Variants in IBTK observed in about 807,000 individuals in gnomAD.
The protein encoded by IBTK is BTK-binding protein.
In IBTK, 83 loss-of-function variants were observed where a neutral mutation model predicts 154.9. The ratio of observed to expected loss-of-function variants is 0.54; its 90% confidence interval spans 0.45 to 0.64. The LOEUF is 0.64. Among genes scored for constraint, IBTK ranks in the 30% least tolerant of loss-of-function variants. IBTK has a pLI of 0.00. For synonymous variants in IBTK, 515 were observed against 536.1 expected (o/e 0.96, Z 0.54); for missense variants, 1,332 against 1,584.6 (o/e 0.84, Z 2.71).
intron 8 of IBTK, among the ~76,000 whole-genome samples, chr6:82,222,285 C>G (rs2127819758): frequency 6.6e-6 from 1 of 152,018 alleles, no homozygotes; most frequent in African/African-American, 2.4e-5. Context: ...TTATCAAAAG[C>G]ATTTTGTTGC....
At chr6:82,228,850 T>C (rs918511043) in intron 4 of IBTK, among the ~76,000 whole-genome samples, 4 of 152,072 alleles carry the variant, frequency 2.6e-5, no homozygotes, top group Admixed American at 2.6e-4. Flanking sequence ...CTCGATCTCC[T>C]GACCTCGTGA....
chr6:82,238,217 C>A (rs1468902265), intron 2 of IBTK, among the ~76,000 whole-genome samples: 3 of 151,416 alleles, frequency 2.0e-5, no homozygotes, highest in Non-Finnish European at 1.5e-5. Context: ...GCACTCCAGC[C>A]TGGGTAACAA....
intron 4 of IBTK, 108 bp downstream of exon 4, chr6:82,231,610 G>GTGGAACATT (rs1770504943): frequency 1.4e-6 from 1 of 718,460 alleles, no homozygotes; most frequent in African/African-American, 1.8e-5. Context: ...TCATTAAAAT[G>GTGGAACATT]TTACTGTACC....
At chr6:82,180,097 TAATC>T (rs1245067441) in intron 26 of IBTK, among the ~76,000 whole-genome samples, 1 of 116,630 alleles carries the variant, frequency 8.6e-6, no homozygotes, top group African/African-American at 3.2e-5. Context: ...ACAAAGCTCA[TAATC>T]AATAAATGTT....
rs1440895103 is a variant in IBTK, at chr6:82,218,009, T to A, written c.1377A>T (p.Gly459=). 1.2e-6 allele frequency: 2 copies of A among 1,611,398 alleles called. No individual in the cohort carries two copies. Among genetic ancestry groups the A allele is most frequent in the Non-Finnish European group, 1.7e-6 (2 of 1,178,964 alleles). Residue 459 remains glycine, a synonymous_variant, in exon 10 of 29, where the codon GGA becomes GGT. Transcript: ENST00000306270. ...EILFVTQDGE[G]FRGRWFEEKR... ...TCTCTTCAAACCATCTCCCTCTAAATCCTTCTCCATCTTGCGTAACAAATA... is the reference window on the plus strand; with the variant it reads ...TCTCTTCAAACCATCTCCCTCTAAAACCTTCTCCATCTTGCGTAACAAATA...
intron 21 of IBTK, among the ~76,000 whole-genome samples, chr6:82,199,235 TTG>T (rs150088800): frequency 9.9e-5 from 15 of 151,398 alleles, no homozygotes; most frequent in East Asian, 1.9e-4. Context: ...AGTCTCTGTA[TTG>T]TGTGTGTGTG....
intron 17 of IBTK, among the ~76,000 whole-genome samples, chr6:82,203,444 C>T (rs1489021725): frequency 6.6e-6 from 1 of 152,108 alleles, no homozygotes; most frequent in African/African-American, 2.4e-5. Flanking sequence ...TTCTTTCTCA[C>T]CTGTGATTCT....
chr6:82,237,239 A>G (rs1391396930), intron 2 of IBTK, among the ~76,000 whole-genome samples: 1 of 152,016 alleles, frequency 6.6e-6, no homozygotes, highest in Non-Finnish European at 1.5e-5. Flanking sequence ...CCAACTTTCC[A>G]GCAGAAACTG....
At chr6:82,181,054 T>C (rs1313795739) in intron 26 of IBTK, among the ~76,000 whole-genome samples, 2 of 152,198 alleles carry the variant, frequency 1.3e-5, no homozygotes, top group African/African-American at 2.4e-5. Flanking sequence ...ATTTAAAATA[T>C]GAAACTTTTT....
chr6:82,191,056 T>C lies in IBTK; in HGVS notation c.3575+17A>G. The C allele has an allele frequency of 2.0e-6, 3 of 1,481,234 alleles. No individual in the cohort carries two copies. The highest frequency in any genetic ancestry group is 2.7e-6 in the Non-Finnish European group (3 of 1,119,506). The allele number at this position is 1,481,234 out of a possible 1,614,324, so 91.8% of individuals were successfully genotyped here. ...ATGCACAAATCTATATTAATTTTAA[T>C]AAAAATAAGAGCATACCATGCATTC... On this transcript the variant is annotated intron_variant, in intron 25 of 28. Coordinates refer to ENST00000306270, the MANE Select transcript of IBTK (RefSeq NM_015525.4).
intron 23 of IBTK, among the ~76,000 whole-genome samples, chr6:82,194,189 T>G (rs1562079905): frequency 1.3e-5 from 2 of 152,140 alleles, no homozygotes. Flanking sequence ...AACCAATACA[T>G]ATTATCTAAG....
At chr6:82,239,452 T>A (rs1770858021) in intron 2 of IBTK, among the ~76,000 whole-genome samples, 1 of 151,940 alleles carries the variant, frequency 6.6e-6, no homozygotes, top group South Asian at 2.1e-4. Context: ...CTCAAAAACA[T>A]AAATAAATAA....
chr6:82,228,173 A>G (rs573823355), intron 4 of IBTK, among the ~76,000 whole-genome samples: 1 of 152,256 alleles, frequency 6.6e-6, no homozygotes, highest in East Asian at 1.9e-4. Flanking sequence ...GTTTGCATTT[A>G]TATTTCTTAC....
In IBTK at chr6:82,204,812, G is replaced by T. The variant is rs116981958; in HGVS notation, c.2611+45C>A. Reference sequence around the variant, plus strand: ...AAGTCAATAAAGTACAGTAATCCTTGATGAACCTGAAAACATATTAATATT... The same window carrying T: ...AAGTCAATAAAGTACAGTAATCCTTTATGAACCTGAAAACATATTAATATT... On this transcript the variant is annotated intron_variant, in intron 17 of 28. Transcript: ENST00000306270. 9.4e-3 allele frequency: 11,204 copies of T among 1,188,212 alleles called. 92 individuals carry two copies. The highest frequency in any genetic ancestry group is 0.024 in the South Asian group (1,632 of 67,910). The allele number at this position is 1,188,212 out of a possible 1,614,324, so 73.6% of individuals were successfully genotyped here. A position where few individuals can be genotyped will look rare whatever the true frequency, so the allele number is the denominator to read the frequency against.
chr6:82,225,769 A>C, intron 5 of IBTK, 122 bp from the exon 6 acceptor site: 1 of 679,372 alleles, frequency 1.5e-6, no homozygotes, highest in Non-Finnish European at 2.4e-6. Flanking sequence ...GGCTGTATCT[A>C]TCATAGGTAA....
At chr6:82,245,380 G>GA (rs1477530989) in intron 1 of IBTK, among the ~76,000 whole-genome samples, 1 of 151,996 alleles carries the variant, frequency 6.6e-6, no homozygotes, top group Non-Finnish European at 1.5e-5. Context: ...GCAACATGGT[G>GA]AAAGCCATCG....
At chr6:82,213,855 G>A (rs1355621353) in intron 12 of IBTK, among the ~76,000 whole-genome samples, 2 of 152,112 alleles carry the variant, frequency 1.3e-5, no homozygotes, top group African/African-American at 2.4e-5. Flanking sequence ...GAGAAAGGGA[G>A]AGAGAGGAAG....
chr6:82,218,172 C>T (rs1769942873), intron 9 of IBTK, 35 bp from the exon 10 acceptor site: 2 of 1,444,862 alleles, frequency 1.4e-6, no homozygotes, highest in Admixed American at 5.0e-5. Context: ...AAATATAAAG[C>T]AAGTAGCATT....
chr6:82,232,122 C>A (rs907681356), intron 3 of IBTK, among the ~76,000 whole-genome samples: 1 of 151,404 alleles, frequency 6.6e-6, no homozygotes, highest in Non-Finnish European at 1.5e-5. Context: ...CTTCACCTCA[C>A]GGGCTCAAGT....
Sources: gnomAD v4.1 joint callset for allele counts (sites outside exome capture counted in the v4.1 genomes callset) on GRCh38, gnomAD v4.1.1 for gene constraint, MANE v1.5 for transcripts, NCBI Gene and HGNC (gene_info 2026-07-23, HGNC 2026-07-21) for gene names.